The following ULK4 variants were observed in gnomAD, a reference collection of about 807,000 sequenced individuals.
The protein encoded by ULK4 is unc-51 like kinase 4, also known as inactive serine/threonine-protein kinase ULK4.
Under a neutral mutation model 160.6 loss-of-function variants are expected in ULK4, and 133 were observed. The ratio of observed to expected loss-of-function variants is 0.83; its 90% CI spans 0.72 to 0.96. The LOEUF (loss-of-function observed/expected upper bound fraction) is 0.96. ULK4 is among the 40% of genes least tolerant of loss of function. ULK4 has a pLI of 0.00. For missense variants in ULK4, 1,580 were observed against 1,499.5 expected, an observed-to-expected ratio of 1.05 and a Z score of -0.89; for synonymous variants, 534 against 539.8, an observed-to-expected ratio of 0.99 and a Z score of 0.15.
chr3:41,825,967 A>G (rs1384248863), intron 18 of ULK4, among the ~76,000 whole-genome samples: 2 of 152,228 alleles, frequency 1.3e-5, no homozygotes, highest in East Asian at 1.9e-4. Context: ...TCTCTTCGCA[A>G]AAACTCTACA....
At chr3:41,945,249 G>A (rs977032727) in intron 2 of ULK4, among the ~76,000 whole-genome samples, 3 of 149,154 alleles carry the variant, frequency 2.0e-5, no homozygotes, top group Non-Finnish European at 4.5e-5. Context: ...GCCTCAAGAT[G>A]TGCCGGCAAA....
At chr3:41,555,399 A>G (rs796192545) in intron 32 of ULK4, among the ~76,000 whole-genome samples, 2 of 152,306 alleles carry the variant, frequency 1.3e-5, no homozygotes, top group African/African-American at 4.8e-5. Context: ...GAAGACATAC[A>G]TGAAACCAAC....
intron 29 of ULK4, among the ~76,000 whole-genome samples, chr3:41,665,356 G>A (rs563964780): frequency 2.6e-5 from 4 of 152,128 alleles, no homozygotes; most frequent in African/African-American, 9.6e-5. Context: ...ACAAAAAAAA[G>A]CAGTCCCAAG....
At chr3:41,333,915 G>C (rs1013993479) in intron 35 of ULK4, among the ~76,000 whole-genome samples, 1 of 152,068 alleles carries the variant, frequency 6.6e-6, no homozygotes. Context: ...TACTGATCTA[G>C]GTGAAATAGT....
intron 35 of ULK4, among the ~76,000 whole-genome samples, chr3:41,371,942 G>A (rs1002000651): frequency 3.3e-5 from 5 of 151,840 alleles, no homozygotes; most frequent in Non-Finnish European, 7.4e-5. Context: ...GTTTAGAGAA[G>A]AACATAAATG....
chr3:41,884,468 T>TC (rs1275246557), intron 16 of ULK4, among the ~76,000 whole-genome samples: 3 of 152,250 alleles, frequency 2.0e-5, no homozygotes, highest in African/African-American at 7.2e-5. Flanking sequence ...AATGAGGTGT[T>TC]CCTTTAGTAT....
At chr3:41,766,580 T>A (rs945239099) in intron 21 of ULK4, 1 of 152,154 alleles carries the variant, frequency 6.6e-6, no homozygotes, top group Non-Finnish European at 1.5e-5. Context: ...TAAGTAAAAA[T>A]GTGAGTTTAT....
chr3:41,931,686 C>G, intron 5 of ULK4, 158 bp downstream of exon 5: 1 of 893,688 alleles, frequency 1.1e-6, no homozygotes, highest in East Asian at 2.4e-5. Context: ...AGGCCATGGA[C>G]AAAGCCATTC....
chr3:41,769,976 A>C (rs1238724595), intron 21 of ULK4, among the ~76,000 whole-genome samples: 3 of 152,186 alleles, frequency 2.0e-5, no homozygotes, highest in African/African-American at 7.2e-5. Context: ...TTTCCTATTT[A>C]ATATTGAGGG....
At chr3:41,260,931 G>A (rs1398059475) in intron 35 of ULK4, among the ~76,000 whole-genome samples, 1 of 152,210 alleles carries the variant, frequency 6.6e-6, no homozygotes, top group African/African-American at 2.4e-5. Flanking sequence ...CAAGCATACT[G>A]AGGCCTGAGG....
chr3:41,882,131 C>T lies in ULK4; in HGVS notation c.1656+1743G>A, dbSNP rs191326789. The T allele has an allele frequency of 1.2e-5, 8 of 695,032 alleles. No individual in the cohort carries two copies. In the East Asian group the frequency reaches 2.2e-4, roughly 19 times the overall value. 43.1% of individuals were successfully genotyped at this position (695,032 alleles called of 1,614,324 possible). On this transcript the variant is annotated intron_variant, in intron 17 of 36. Transcript: ENST00000301831. ...AGCAAAACACACCATCTTCCAGGCACTGCCACACGGAGTCCCAAGAATGCT... is the reference window on the plus strand; with the variant it reads ...AGCAAAACACACCATCTTCCAGGCATTGCCACACGGAGTCCCAAGAATGCT...
chr3:41,627,880 G>A (rs1190396932), intron 30 of ULK4, among the ~76,000 whole-genome samples: 1 of 152,122 alleles, frequency 6.6e-6, no homozygotes, highest in African/African-American at 2.4e-5. Flanking sequence ...TGTGGGGAGG[G>A]GCAGGCATGA....
chr3:41,860,903 T>C (rs1374324112), intron 17 of ULK4, among the ~76,000 whole-genome samples: 1 of 147,080 alleles, frequency 6.8e-6, no homozygotes, highest in South Asian at 2.1e-4. Flanking sequence ...TTTGTTGTTG[T>C]TTGTTTGTTT....
Position 41,898,438 on chromosome 3 carries a change from A to G in ULK4, c.1342T>C (p.Tyr448His), listed in dbSNP as rs577290462. 8.2e-6 allele frequency: 13 copies of G among 1,589,402 alleles called. No homozygotes were observed. In the South Asian group the frequency reaches 1.5e-4, roughly 18 times the overall value. ...AAGTCCTTTATGATCCTACCTGAAT[A>G]TGTTGGTAGATGCAATATTTTTGCA... ...FDAKILHLPT[Y>H]SVDKLLFLKD... is the part of the protein sequence containing the mutation. Residue 448 changes from tyrosine to histidine, a missense_variant, in exon 14 of 37, where the codon TAT becomes CAT. Tyr to His is a moderately conservative substitution (Grantham distance 83, BLOSUM62 2). Coordinates refer to ENST00000301831, the MANE Select transcript of ULK4 (RefSeq NM_017886.4).
Position 41,863,733 on chromosome 3 carries a change from AT to A in ULK4, c.1656+20140del, listed in dbSNP as rs1427209933. ...CCTTCTGGCCCAGGGTGTTCTAGAAATACCATCTGGGAGCCAGGGCCCGAAA... is the reference window on the plus strand; with the variant it reads ...CCTTCTGGCCCAGGGTGTTCTAGAAAACCATCTGGGAGCCAGGGCCCGAAA... On this transcript the variant is annotated intron_variant, in intron 17 of 36. Transcript: ENST00000301831. Among the ~76,000 whole-genome samples the A allele has an allele frequency of 3.3e-5, 5 of 151,914 alleles. No homozygotes were observed. The East Asian group carries it at 9.8e-4, about 30-fold the overall frequency.
chr3:41,331,443 C>T (rs1462880615), intron 35 of ULK4, among the ~76,000 whole-genome samples: 3 of 152,136 alleles, frequency 2.0e-5, no homozygotes, highest in Non-Finnish European at 1.5e-5. Flanking sequence ...AATATTAATT[C>T]CTTGCCTTTA....
chr3:41,950,356 T>C (rs559840348), intron 2 of ULK4, among the ~76,000 whole-genome samples: 4 of 152,334 alleles, frequency 2.6e-5, no homozygotes, highest in South Asian at 4.1e-4. Context: ...TTCTCCTGCC[T>C]CAGCCTCCCA....
At chr3:41,728,649 G>C (rs918819306) in intron 22 of ULK4, among the ~76,000 whole-genome samples, 3 of 152,128 alleles carry the variant, frequency 2.0e-5, no homozygotes, top group Non-Finnish European at 4.4e-5. Flanking sequence ...CTGAGATTAT[G>C]AGAGAGGAAA....
chr3:41,815,077 T>G (rs1298979880), intron 19 of ULK4, among the ~76,000 whole-genome samples: 2 of 152,062 alleles, frequency 1.3e-5, no homozygotes, highest in Non-Finnish European at 2.9e-5. Flanking sequence ...CCCGACTAAT[T>G]TTTGTATTTT....
Sources: allele counts gnomAD v4.1 joint callset (sites outside exome capture counted in the v4.1 genomes callset), GRCh38; gene constraint gnomAD v4.1.1; transcripts MANE v1.5; gene names NCBI Gene and HGNC (gene_info 2026-07-23, HGNC 2026-07-21).